The following DMBT1 variants were observed in gnomAD, a reference collection of about 807,000 sequenced individuals.
DMBT1 encodes scavenger receptor cysteine-rich domain-containing protein DMBT1.
A neutral mutation model predicts 252.9 loss-of-function variants in DMBT1; 198 were observed. The observed-to-expected ratio is 0.78, with a 90% confidence interval of 0.70 to 0.88. DMBT1 has a LOEUF of 0.88. DMBT1 is among the 40% of genes least tolerant of loss of function. The pLI, the probability that DMBT1 is intolerant of heterozygous loss-of-function variation, is 0.00. For synonymous variants in DMBT1, 990 were observed against 942.7 expected, an observed-to-expected ratio of 1.05 and a Z score of -0.92; for missense variants, 2,432 against 2,404.7, an observed-to-expected ratio of 1.01 and a Z score of -0.24.
At position 122,580,878 on chromosome 10, in the gene DMBT1, G is replaced by A. The variant is rs370312495; in HGVS notation, c.1016G>A (p.Arg339Gln). Residue 339 changes from arginine (R) to glutamine (Q), a missense_variant, in exon 11 of 56, where the codon CGG becomes CAG. Physicochemically the swap from Arg to Gln is conservative, Grantham distance 43. Coordinates refer to ENST00000338354, the MANE Select transcript of DMBT1 (RefSeq NM_001377530.1). The part of the protein sequence containing the change: ...AGVICSAPQS[R>Q]PTPSPDTWPT... ...CTCTTTCTCACAGCTCCCCAGTCCC[G>A]GCCGACACCCAGCCCAGGTAGGTCC... is the stretch of plus-strand genomic sequence containing the variant. The A allele has an allele frequency of 4.5e-5, 73 of 1,613,612 alleles. No homozygotes were observed. Among genetic ancestry groups the A allele is most frequent in the African/African-American group, 2.7e-4 (20 of 74,822 alleles).
intron 19 of DMBT1, among the ~76,000 whole-genome samples, chr10:122,591,922 A>G (rs1463611179): frequency 6.7e-6 from 1 of 149,110 alleles, no homozygotes; most frequent in Non-Finnish European, 1.5e-5. Context: ...AGAGAGGACC[A>G]CGTGGGTGCC....
In DMBT1 at chr10:122,592,398, A is replaced by G. The variant is rs1335120184; in HGVS notation, c.2303A>G (p.Asn768Ser). 2 of 1,588,408 alleles carry G rather than the reference A, an allele frequency of 1.3e-6. No homozygotes were observed. The highest frequency in any genetic ancestry group is 1.7e-6 in the Non-Finnish European group (2 of 1,165,838). Residue 768 changes from asparagine (N) to serine (S), a missense_variant, in exon 20 of 56, where the codon AAT (asparagine) becomes AGT (serine). Physicochemically the swap from Asn to Ser is conservative, Grantham distance 46. Transcript: ENST00000338354. ...GACAGCTGGGATACCAATGATGCCA[A>G]TGTGGTCTGCAGGCAGCTGGGCTGT... ...CDDSWDTNDA[N>S]VVCRQLGCGW... is the part of the protein sequence containing the mutation.
intron 6 of DMBT1, among the ~76,000 whole-genome samples, chr10:122,576,152 C>A (rs2097709986): frequency 6.6e-6 from 1 of 152,192 alleles, no homozygotes; most frequent in Admixed American, 6.5e-5. Flanking sequence ...TAGGTCCCCT[C>A]CAGGATGCAG....
chr10:122,627,957 C>G (rs995879235), intron 46 of DMBT1, among the ~76,000 whole-genome samples: 2 of 152,120 alleles, frequency 1.3e-5, no homozygotes, highest in African/African-American at 2.4e-5. Context: ...TGTCATTAGC[C>G]GTCAGGGTCA....
intron 43 of DMBT1, 21 bp downstream of exon 43, chr10:122,620,312 T>A (rs746148707): frequency 1.5e-5 from 24 of 1,613,254 alleles, no homozygotes; most frequent in Admixed American, 3.3e-5. Context: ...CTCTCGCCCC[T>A]CCCTAGGGCT....
At position 122,579,856 on chromosome 10, in the gene DMBT1, A is replaced by T. The variant is rs370180386; in HGVS notation, c.958A>T (p.Thr320Ser). Residue 320 changes from threonine to serine, a missense_variant, in exon 10 of 56, where the codon ACC becomes TCC. By Grantham distance (58) the Thr-to-Ser change is moderately conservative. Coordinates refer to ENST00000338354, the MANE Select transcript of DMBT1 (RefSeq NM_001377530.1). ...GAGCTGCCCCCACAATGGCTGGCTCACCCACAACTGTGGCCATAGTGAAGA... is the reference window on the plus strand; with the variant it reads ...GAGCTGCCCCCACAATGGCTGGCTCTCCCACAACTGTGGCCATAGTGAAGA... ...LWSCPHNGWLTHNCGHSEDAG... is the reference protein window; with the variant it reads ...LWSCPHNGWLSHNCGHSEDAG... 1.4e-4 allele frequency: 227 copies of T among 1,613,752 alleles called. 1 individual carries two copies. The African/African-American group carries it at 2.3e-3, about 16-fold the overall frequency.
At position 122,590,761 on chromosome 10, in the gene DMBT1, C is replaced by G. The variant is rs972788148; in HGVS notation, c.2137+67C>G. On this transcript the variant is annotated intron_variant, in intron 18 of 55. Coordinates refer to ENST00000338354, the MANE Select transcript of DMBT1 (RefSeq NM_001377530.1). ...CTGCACAATTATCCTTTTTCCCATT[C>G]CACAGAGCCCTCCTTCTTACCTGTG... 85 of 1,537,474 alleles carry G rather than the reference C, an allele frequency of 5.5e-5. 5 individuals are homozygous for G. Among genetic ancestry groups the G allele is most frequent in the Non-Finnish European group, 7.5e-5 (84 of 1,122,242 alleles).
intron 52 of DMBT1, among the ~76,000 whole-genome samples, chr10:122,634,364 C>CTTTCTTTCTTTCTTTCTTTCTT (rs1555030011): frequency 1.0e-4 from 12 of 117,214 alleles, no homozygotes; most frequent in African/African-American, 4.1e-4. Context: ...TTCTTTCTTT[C>CTTTCTTTCTTTCTTTCTTTCTT]TTTCTTTCTT....
rs1457495639 is a variant in DMBT1 at position 122,636,090 on chromosome 10, C to T, written c.6648C>T (p.Ser2216=). The change falls in exon 53 of 56, where the codon TCC becomes TCT. Residue 2216 remains serine (S), a synonymous_variant. Transcript: ENST00000338354. The part of the protein sequence containing the change: ...IARVCDGARG[S]FTSSSNFMSI... ...GAGTTTGTGATGGGGCCAGAGGCTCCTTCACTTCTTCCTCCAACTTCATGT... is the reference window on the plus strand; with the variant it reads ...GAGTTTGTGATGGGGCCAGAGGCTCTTTCACTTCTTCCTCCAACTTCATGT... 6.2e-7 allele frequency: 1 copy of T among 1,614,006 alleles called. No homozygotes were observed.
intron 3 of DMBT1, 115 bp downstream of exon 3, chr10:122,570,324 G>A (rs1224523471): frequency 2.1e-6 from 2 of 935,302 alleles, no homozygotes; most frequent in East Asian, 2.4e-5. Context: ...GGCATTCAGT[G>A]TTTGGGCTGA....
intron 1 of DMBT1, among the ~76,000 whole-genome samples, chr10:122,561,928 A>T: frequency 7.3e-6 from 1 of 136,152 alleles, no homozygotes; most frequent in Admixed American, 7.5e-5. Flanking sequence ...TTTCTCTTCA[A>T]CTATTGGGCA....
At chr10:122,578,603 C>T (rs2097734311) in intron 8 of DMBT1, 115 bp from the exon 9 acceptor site, 2 of 910,824 alleles carry the variant, frequency 2.2e-6, no homozygotes, top group Admixed American at 4.0e-5. Flanking sequence ...AGCAAGTGGC[C>T]AGACCTTCGA....
intron 2 of DMBT1, among the ~76,000 whole-genome samples, chr10:122,567,677 AC>A (rs2097609641): frequency 6.6e-6 from 1 of 152,098 alleles, no homozygotes; most frequent in South Asian, 2.1e-4. Context: ...CACCATCAAT[AC>A]AGCTTACCCC....
At position 122,643,470 on chromosome 10, in the gene DMBT1, G is replaced by T; in HGVS notation, c.*72G>T. On this transcript the variant is annotated 3_prime_UTR_variant, in exon 56 of 56. Coordinates refer to ENST00000338354, the MANE Select transcript of DMBT1 (RefSeq NM_001377530.1). ...CTCGGGGACTTGGGATGTTCCTCTT[G>T]GTGTCATATTCCAACTCAGATTGAG... is the stretch of plus-strand genomic sequence containing the variant. 1 of 1,518,748 alleles carries T rather than the reference G, an allele frequency of 6.6e-7. No homozygotes were observed. Among genetic ancestry groups the T allele is most frequent in the Non-Finnish European group, 8.9e-7 (1 of 1,128,042 alleles). The allele number at this position is 1,518,748 out of a possible 1,614,324, so 94.1% of individuals were successfully genotyped here. A position where few individuals can be genotyped will look rare whatever the true frequency, so the allele number is the denominator to read the frequency against.
chr10:122,577,309 T>G (rs1169083937), intron 7 of DMBT1, among the ~76,000 whole-genome samples: 1 of 152,078 alleles, frequency 6.6e-6, no homozygotes, highest in African/African-American at 2.4e-5. Flanking sequence ...CAATTGTAAA[T>G]AGTTCACTTA....
chr10:122,626,310 A>G (rs2098118601), intron 46 of DMBT1, among the ~76,000 whole-genome samples: 1 of 152,226 alleles, frequency 6.6e-6, no homozygotes, highest in Non-Finnish European at 1.5e-5. Context: ...TTTAAAAAAT[A>G]ATAGGGATAC....
intron 52 of DMBT1, among the ~76,000 whole-genome samples, chr10:122,634,413 C>T (rs374792573): frequency 3.9e-3 from 281 of 71,714 alleles, no homozygotes; most frequent in Middle Eastern, 0.013. Context: ...TTCTTTCTTT[C>T]TCTCTCTCTC....
At chr10:122,578,864 G>A (rs2097737366) in intron 9 of DMBT1, 105 bp downstream of exon 9, 1 of 1,177,778 alleles carries the variant, frequency 8.5e-7, no homozygotes, top group Non-Finnish European at 1.2e-6. Flanking sequence ...TGGGGAAGTG[G>A]GCTAAGCGTG....
chr10:122,630,377 A>G lies in DMBT1; in HGVS notation c.5912A>G (p.Asn1971Ser). 1 of 1,614,010 alleles carries G rather than the reference A, an allele frequency of 6.2e-7. No individual in the cohort carries two copies. Among genetic ancestry groups the G allele is most frequent in the Non-Finnish European group, 8.5e-7 (1 of 1,179,882 alleles). Residue 1971 changes from asparagine (N) to serine (S), a missense_variant, in exon 48 of 56, where the codon AAT becomes AGT. Coordinates refer to ENST00000338354, the MANE Select transcript of DMBT1 (RefSeq NM_001377530.1). ...AGTCTCCTGCTGGGGAAAATCTGTAATGATACCAGGCAAATATTTACATCT... is the reference window on the plus strand; with the variant it reads ...AGTCTCCTGCTGGGGAAAATCTGTAGTGATACCAGGCAAATATTTACATCT... ...NSSLLLGKIC[N>S]DTRQIFTSSY...
Sources: gnomAD v4.1 joint callset for allele counts (sites outside exome capture counted in the v4.1 genomes callset) on GRCh38, gnomAD v4.1.1 for gene constraint, MANE v1.5 for transcripts, NCBI Gene and HGNC (gene_info 2026-07-23, HGNC 2026-07-21) for gene names.